RCBTB2: variants seen among roughly 807,000 people sequenced by gnomAD.
RCBTB2 encodes RCC1 and BTB domain-containing protein 2.
RCBTB2 carries 55 observed loss-of-function variants against 65.4 expected under a neutral mutation model. That is an observed-to-expected ratio of 0.84 (90% CI 0.68 to 1.05). The LOEUF is 1.05. Ranked by LOEUF, RCBTB2 falls within the 50% of genes least tolerant of loss-of-function variation. The probability of loss-of-function intolerance (pLI) is 0.00; values close to 1 mark genes in which losing one functional copy is unlikely to be tolerated. For synonymous variants in RCBTB2, 220 were observed against 255.2 expected (o/e 0.86, Z 1.31); for missense variants, 599 against 680.1 (o/e 0.88, Z 1.33).
intron 1 of RCBTB2, among the ~76,000 whole-genome samples, chr13:48,531,692 A>ATT (rs2138676868): frequency 6.6e-6 from 1 of 152,356 alleles, no homozygotes; most frequent in Admixed American, 6.5e-5. Context: ...GCTGCTTAAT[A>ATT]ACACGCATGT....
intron 1 of RCBTB2, among the ~76,000 whole-genome samples, chr13:48,529,719 G>A (rs1289889650): frequency 6.6e-6 from 1 of 152,112 alleles, no homozygotes; most frequent in East Asian, 1.9e-4. Context: ...TTCCATTGAT[G>A]GACATTATCA....
At chr13:48,507,270 C>T (rs9332019) in intron 10 of RCBTB2, among the ~76,000 whole-genome samples, 1,929 of 152,334 alleles carry the variant, frequency 0.013, 41 homozygotes, top group African/African-American at 0.039. Context: ...CAGGTCTAGG[C>T]TTGTGACCCA....
intron 13 of RCBTB2, 48 bp from the exon 14 acceptor site, chr13:48,496,369 ATT>A: frequency 6.8e-7 from 1 of 1,478,328 alleles, no homozygotes; most frequent in African/African-American, 1.4e-5. Context: ...AAGCATCCTG[ATT>A]TACAGTTGCT....
At chr13:48,509,599 G>T (rs1950678250) in intron 10 of RCBTB2, among the ~76,000 whole-genome samples, 1 of 151,772 alleles carries the variant, frequency 6.6e-6, no homozygotes, top group South Asian at 2.1e-4. Flanking sequence ...AGGGGCCAGG[G>T]GTCTTAAATT....
chr13:48,510,493 C>T (rs1410446255), intron 10 of RCBTB2, 136 bp downstream of exon 10: 1 of 1,095,954 alleles, frequency 9.1e-7, no homozygotes. Flanking sequence ...GCCAATTTTT[C>T]TAAAGGAATA....
rs1229021687 is a variant in RCBTB2, at chr13:48,493,264, TCTCTC to T, written c.1515+2922_1515+2926del. On this transcript the variant is annotated intron_variant, in intron 14 of 14. Coordinates refer to ENST00000344532, the MANE Select transcript of RCBTB2 (RefSeq NM_001268.4). ...ACACACACACACACACACACACTCT[TCTCTC>T]TCTCACCCTCTCTCTCTCTCCACAC... Among the ~76,000 whole-genome samples the T allele has an allele frequency of 5.7e-5, 5 of 88,064 alleles. No homozygotes were observed. The East Asian group carries it at 1.7e-3, about 30-fold the overall frequency. 57.8% of individuals were successfully genotyped at this position (88,064 alleles called of 152,430 possible).
rs1487191306 is a variant in RCBTB2, at chr13:48,521,964, T to A, written c.-23-2A>T. 5 of 1,612,228 alleles carry A rather than the reference T, an allele frequency of 3.1e-6. No homozygotes were observed. Among genetic ancestry groups the A allele is most frequent in the Non-Finnish European group, 4.2e-6 (5 of 1,179,288 alleles). On this transcript the variant is annotated splice_acceptor_variant, in intron 3 of 14. Coordinates refer to ENST00000344532, the MANE Select transcript of RCBTB2 (RefSeq NM_001268.4). LOFTEE classifies it low-confidence loss of function (5UTR_SPLICE). ...TATGGACTCAGTCCTGGGCAGTCCC[T>A]GAGGAAAAAGTATGTGGTAAAATCA...
chr13:48,496,050 G>A (rs1397605438), intron 14 of RCBTB2, 141 bp downstream of exon 14: 1 of 668,674 alleles, frequency 1.5e-6, no homozygotes, highest in East Asian at 3.6e-5. Context: ...CTTATACGTT[G>A]TCTAGTACTC....
At chr13:48,503,080 A>G (rs2138468784) in intron 10 of RCBTB2, among the ~76,000 whole-genome samples, 166 bp from the exon 11 acceptor site, 1 of 152,304 alleles carries the variant, frequency 6.6e-6, no homozygotes, top group African/African-American at 2.4e-5. Flanking sequence ...CATACACCTC[A>G]TCTCCTAAAT....
intron 14 of RCBTB2, 29 bp from the exon 15 acceptor site, chr13:48,490,280 A>G: frequency 1.9e-6 from 3 of 1,593,590 alleles, no homozygotes; most frequent in South Asian, 2.2e-5. Flanking sequence ...ATGGTTTAAT[A>G]AATTCATATT....
At chr13:48,501,612 G>A (rs1430863484) in intron 12 of RCBTB2, 130 bp downstream of exon 12, 2 of 691,646 alleles carry the variant, frequency 2.9e-6, no homozygotes, top group Non-Finnish European at 4.9e-6. Flanking sequence ...CCGCTCCACT[G>A]TATGCTTGTA....
At chr13:48,496,430 C>T (rs1949974269) in intron 13 of RCBTB2, 109 bp from the exon 14 acceptor site, 2 of 1,129,114 alleles carry the variant, frequency 1.8e-6, no homozygotes, top group African/African-American at 3.1e-5. Flanking sequence ...ATATAATCCT[C>T]AGTGAAGCAC....
upstream of RCBTB2, chr13:48,533,274 C>T (rs1593856733): frequency 3.3e-6 from 1 of 305,028 alleles, no homozygotes; most frequent in Admixed American, 4.7e-5. Flanking sequence ...TTCTCGCAGA[C>T]GCCCCCTCCC....
Position 48,522,340 on chromosome 13 carries a change from C to G in RCBTB2, c.-56G>C, listed in dbSNP as rs1198804597. 1.3e-6 allele frequency: 2 copies of G among 1,530,620 alleles called. No individual in the cohort carries two copies. The highest frequency in any genetic ancestry group is 2.7e-5 in the African/African-American group (2 of 72,736). 94.8% of individuals were successfully genotyped at this position (1,530,620 alleles called of 1,614,324 possible). A position where few individuals can be genotyped will look rare whatever the true frequency, so the allele number is the denominator to read the frequency against. On this transcript the variant is annotated 5_prime_UTR_variant, in exon 3 of 15. Transcript: ENST00000344532. ...AACTTTTCTCTGGGATTGGAAAGTT[C>G]CAAATCACGGGGAAGAGCGGACATC... is the stretch of plus-strand genomic sequence containing the variant.
intron 1 of RCBTB2, chr13:48,532,591 T>C (rs1376819912): frequency 5.5e-6 from 1 of 182,114 alleles, no homozygotes; most frequent in African/African-American, 2.4e-5. Flanking sequence ...ACACCAGACG[T>C]GGGAGCTTAG....
intron 13 of RCBTB2, among the ~76,000 whole-genome samples, chr13:48,498,695 A>G (rs942860123): frequency 2.6e-5 from 4 of 151,720 alleles, no homozygotes; most frequent in Non-Finnish European, 5.9e-5. Flanking sequence ...GTGCCATTGC[A>G]CTCCAGCCTG....
At chr13:48,510,334 G>A (rs1305936344) in intron 10 of RCBTB2, among the ~76,000 whole-genome samples, 1 of 152,196 alleles carries the variant, frequency 6.6e-6, no homozygotes, top group East Asian at 1.9e-4. Flanking sequence ...GGGCAAAAGG[G>A]TGATTTGTAA....
chr13:48,534,947 A>C (rs926645764), upstream of RCBTB2, among the ~76,000 whole-genome samples: 1 of 152,226 alleles, frequency 6.6e-6, no homozygotes, highest in Non-Finnish European at 1.5e-5. Context: ...ACTGGGAATG[A>C]GCTGTGCATG....
chr13:48,509,636 A>C (rs953501904), intron 10 of RCBTB2, among the ~76,000 whole-genome samples: 1 of 152,176 alleles, frequency 6.6e-6, no homozygotes, highest in Non-Finnish European at 1.5e-5. Context: ...AAAAAGTTTT[A>C]TTTAACCTAT....
Sources: allele counts gnomAD v4.1 joint callset (sites outside exome capture counted in the v4.1 genomes callset), GRCh38; gene constraint gnomAD v4.1.1; transcripts MANE v1.5; gene names NCBI Gene and HGNC (gene_info 2026-07-23, HGNC 2026-07-21).